The following SLC2A5 variants were observed in gnomAD, a reference collection of about 807,000 sequenced individuals.
SLC2A5 encodes the protein solute carrier family 2 member 5.
Under a neutral mutation model 50.3 loss-of-function variants are expected in SLC2A5, and 56 were observed. The ratio of observed to expected loss-of-function variants is 1.11; its 90% CI spans 0.90 to 1.39. The LOEUF is 1.39. SLC2A5 is among the 40% of genes most tolerant of loss of function. SLC2A5 has a pLI of 0.00. For missense variants in SLC2A5, 566 were observed against 650.1 expected, an observed-to-expected ratio of 0.87 and a Z score of 1.41; for synonymous variants, 269 against 281.9, an observed-to-expected ratio of 0.95 and a Z score of 0.46.
chr1:9,060,092 CACA>C (rs1438880040), intron 1 of SLC2A5, among the ~76,000 whole-genome samples: 2 of 143,730 alleles, frequency 1.4e-5, no homozygotes, highest in East Asian at 2.2e-4. Context: ...ACACTACACA[CACA>C]ACACACACAA....
intron 1 of SLC2A5, among the ~76,000 whole-genome samples, chr1:9,068,175 G>A (rs1238136988): frequency 1.4e-4 from 15 of 109,270 alleles, no homozygotes; most frequent in Admixed American, 7.2e-4. Flanking sequence ...GGGTGACAGA[G>A]CAAGACTCTG....
chr1:9,059,145 T>C (rs891354319), intron 1 of SLC2A5, among the ~76,000 whole-genome samples: 3 of 98,680 alleles, frequency 3.0e-5, no homozygotes, highest in African/African-American at 8.4e-5. Context: ...TCTTTTTTTT[T>C]TTTTTTTTTT....
chr1:9,076,376 C>T (rs1642283890), intron 2 of SLC2A5, among the ~76,000 whole-genome samples: 1 of 152,158 alleles, frequency 6.6e-6, no homozygotes, highest in African/African-American at 2.4e-5. Flanking sequence ...CTGTGCTTAT[C>T]AAGACTGCAT....
intron 4 of SLC2A5, among the ~76,000 whole-genome samples, chr1:9,043,453 C>G (rs78666800): frequency 1.3e-5 from 2 of 152,198 alleles, no homozygotes; most frequent in Non-Finnish European, 2.9e-5. Context: ...GGAGCAACAC[C>G]TCACAGGCCC....
In SLC2A5 at chr1:9,038,455, C is replaced by T. The variant is rs371167568; in HGVS notation, c.1150G>A (p.Val384Ile). The change falls in exon 10 of 12, where the codon GTC becomes ATC. Residue 384 changes from valine (V) to isoleucine (I), a missense_variant. Coordinates refer to ENST00000377424, the MANE Select transcript of SLC2A5 (RefSeq NM_003039.3). ...YISIVCVISY[V>I]IGHALGPSPI... ...CTGGGCCCGAGGGCATGTCCTATGA[C>T]GTAGGAGATGACACAGACGATGCTG... The T allele has an allele frequency of 1.3e-5, 21 of 1,613,476 alleles. No individual in the cohort carries two copies. The highest frequency in any genetic ancestry group is 1.6e-4 in the Middle Eastern group (1 of 6,080).
At position 9,052,189 on chromosome 1, in the gene SLC2A5, C is replaced by A. The variant is rs531358052; in HGVS notation, c.294-4455G>T. Among the ~76,000 whole-genome samples, 257 of 152,216 alleles carry A rather than the reference C, an allele frequency of 1.7e-3. 3 individuals carry two copies. Among genetic ancestry groups the A allele is most frequent in the African/African-American group, 5.9e-3 (247 of 41,514 alleles). Reference sequence around the variant, plus strand: ...GTCCCAGCTACTCAGGAGGCTGAGGCAGGAGAATTGCTTGAACATGGGAGG... The same window carrying A: ...GTCCCAGCTACTCAGGAGGCTGAGGAAGGAGAATTGCTTGAACATGGGAGG... On this transcript the variant is annotated intron_variant, in intron 3 of 11. Transcript: ENST00000377424.
chr1:9,052,112 C>T (rs891507237), intron 3 of SLC2A5, among the ~76,000 whole-genome samples: 5 of 152,086 alleles, frequency 3.3e-5, no homozygotes, highest in Admixed American at 6.6e-5. Context: ...GGTGAAACCC[C>T]GTCTCTACTA....
intron 2 of SLC2A5, among the ~76,000 whole-genome samples, chr1:9,083,669 A>G (rs1361888391): frequency 6.6e-6 from 1 of 152,062 alleles, no homozygotes; most frequent in African/African-American, 2.4e-5. Context: ...CTAATAATAC[A>G]AAAAAATTAG....
At chr1:9,089,392 C>A (rs927756423), upstream of SLC2A5, among the ~76,000 whole-genome samples, 1 of 152,122 alleles carries the variant, frequency 6.6e-6, no homozygotes, top group African/African-American at 2.4e-5. Context: ...AAACTTTTCA[C>A]CACCTTCAAT....
intron 3 of SLC2A5, among the ~76,000 whole-genome samples, chr1:9,056,400 G>T (rs922984398): frequency 6.6e-6 from 1 of 152,056 alleles, no homozygotes; most frequent in Admixed American, 6.6e-5. Context: ...GGCCAGGCTG[G>T]TCTCCAACTC....
At chr1:9,091,953 C>A (rs987762842), upstream of SLC2A5, among the ~76,000 whole-genome samples, 5 of 152,084 alleles carry the variant, frequency 3.3e-5, no homozygotes, top group African/African-American at 4.8e-5. Context: ...ATATATACAC[C>A]GATTCTAAAT....
Position 9,069,588 on chromosome 1 carries a change from G to A in SLC2A5, c.-52C>T, listed in dbSNP as rs186855992. ...CTCACCTCCTTTTAGCCAAAGTAACGCGTGCACTGAATGGAGAGAGAAGAC... is the reference window on the plus strand; with the variant it reads ...CTCACCTCCTTTTAGCCAAAGTAACACGTGCACTGAATGGAGAGAGAAGAC... On this transcript the variant is annotated 5_prime_UTR_variant, in exon 1 of 12. Transcript: ENST00000377424. 13 of 1,602,578 alleles carry A rather than the reference G, an allele frequency of 8.1e-6. No individual in the cohort carries two copies. Among genetic ancestry groups the A allele is most frequent in the Admixed American group, 3.3e-5 (2 of 59,908 alleles).
chr1:9,081,364 G>C (rs1642350998), intron 2 of SLC2A5, among the ~76,000 whole-genome samples: 1 of 150,340 alleles, frequency 6.7e-6, no homozygotes, highest in Non-Finnish European at 1.5e-5. Flanking sequence ...AAGATGAGCT[G>C]GGTACAGTGG....
intron 10 of SLC2A5, 39 bp downstream of exon 10, chr1:9,038,392 G>T: frequency 2.0e-6 from 3 of 1,470,812 alleles, no homozygotes; most frequent in Non-Finnish European, 2.9e-6. Flanking sequence ...TGGGACCAGG[G>T]GGGGTTGTGA....
rs934095654 is a variant in SLC2A5 at position 9,038,452 on chromosome 1, T to A, written c.1153A>T (p.Ile385Leu). 2.5e-6 allele frequency: 4 copies of A among 1,613,108 alleles called. No individual in the cohort carries two copies. The highest frequency in any genetic ancestry group is 3.4e-6 in the Non-Finnish European group (4 of 1,179,410). The change falls in exon 10 of 12, where the codon ATA (isoleucine) becomes TTA (leucine). Residue 385 changes from isoleucine to leucine, a missense_variant. Physicochemically the swap from Ile to Leu is conservative, Grantham distance 5. Coordinates refer to ENST00000377424, the MANE Select transcript of SLC2A5 (RefSeq NM_003039.3). ...GTACTGGGCCCGAGGGCATGTCCTATGACGTAGGAGATGACACAGACGATG... is the reference window on the plus strand; with the variant it reads ...GTACTGGGCCCGAGGGCATGTCCTAAGACGTAGGAGATGACACAGACGATG... ...ISIVCVISYV[I>L]GHALGPSPIP...
chr1:9,084,734 C>T (rs1470026661), intron 2 of SLC2A5, among the ~76,000 whole-genome samples: 1 of 152,216 alleles, frequency 6.6e-6, no homozygotes, highest in Admixed American at 6.5e-5. Flanking sequence ...ACCATGTGAG[C>T]ATCGGCCACA....
intron 1 of SLC2A5, among the ~76,000 whole-genome samples, chr1:9,086,139 T>C (rs554825866): frequency 6.6e-6 from 1 of 152,196 alleles, no homozygotes; most frequent in Non-Finnish European, 1.5e-5. Flanking sequence ...AAAGGCTAAC[T>C]AGCAGGGATA....
chr1:9,038,082 C>A, intron 10 of SLC2A5, 58 bp from the exon 11 acceptor site: 1 of 1,590,992 alleles, frequency 6.3e-7, no homozygotes, highest in Non-Finnish European at 8.6e-7. Context: ...CATCCCAGGC[C>A]TGGCCATGCA....
chr1:9,072,280 G>A (rs1407029766), upstream of SLC2A5: 2 of 152,632 alleles, frequency 1.3e-5, no homozygotes, highest in Non-Finnish European at 2.9e-5. Context: ...TGGGACTGGG[G>A]GGAGGGGAGT....
Sources: allele counts gnomAD v4.1 joint callset (sites outside exome capture counted in the v4.1 genomes callset), GRCh38; gene constraint gnomAD v4.1.1; transcripts MANE v1.5; gene names NCBI Gene and HGNC (gene_info 2026-07-23, HGNC 2026-07-21).